HCN2: variants seen among roughly 807,000 people sequenced by gnomAD.
The protein encoded by HCN2 is hyperpolarization activated cyclic nucleotide gated potassium and sodium channel 2.
Under a neutral mutation model 52.3 loss-of-function variants are expected in HCN2, and 20 were observed. The ratio of observed to expected loss-of-function variants is 0.38; its 90% CI spans 0.27 to 0.56. The LOEUF is 0.56. Ranked by LOEUF, HCN2 falls within the 20% of genes least tolerant of loss-of-function variation. The pLI, the probability that HCN2 is intolerant of heterozygous loss-of-function variation, is 0.71. For synonymous variants in HCN2, 694 were observed against 537.0 expected (o/e 1.29, Z -4.04); for missense variants, 981 against 1,207.7 (o/e 0.81, Z 2.78).
intron 3 of HCN2, among the ~76,000 whole-genome samples, chr19:605,777 A>G (rs7255310): frequency 0.6 from 20,139 of 33,410 alleles, 7,365 homozygotes; most frequent in African/African-American, 0.85. Flanking sequence ...TTATGGAGGG[A>G]AGGACTCGGG....
rs1354913394 is a variant in HCN2 at position 603,509 on chromosome 19, G to T, written c.633-35G>T. ...CTGGTCCCGCAGGTGCCCCGGGGAG[G>T]CACCGGCCTGAGGTGTGGGCACCCT... On this transcript the variant is annotated intron_variant, in intron 1 of 7. Coordinates refer to ENST00000251287, the MANE Select transcript of HCN2 (RefSeq NM_001194.4). 1.4e-5 allele frequency: 22 copies of T among 1,560,304 alleles called. No individual in the cohort carries two copies. In the South Asian group the frequency reaches 2.1e-4, roughly 15 times the overall value.
chr19:617,120 C>CCCCCCAA lies in HCN2; in HGVS notation c.*646_*647insCCCCCAA, dbSNP rs2144548663. ...GCCCCCCACGCCCCATTAACCCCCACACCCCCATTCCGCGCAATAAACGAC... is the reference window on the plus strand; with the variant it reads ...GCCCCCCACGCCCCATTAACCCCCACCCCCCAAACCCCCATTCCGCGCAATAAACGAC... On this transcript the variant is annotated 3_prime_UTR_variant, in exon 8 of 8. Transcript: ENST00000251287. The CCCCCCAA allele has an allele frequency of 1.5e-6, 1 of 675,220 alleles. No homozygotes were observed. Among genetic ancestry groups the CCCCCCAA allele is most frequent in the Middle Eastern group, 4.5e-4 (1 of 2,212 alleles). 41.8% of individuals were successfully genotyped at this position (675,220 alleles called of 1,614,324 possible). A position where few individuals can be genotyped will look rare whatever the true frequency, so the allele number is the denominator to read the frequency against.
intron 4 of HCN2, among the ~76,000 whole-genome samples, chr19:608,870 CTG>C (rs1428813065): frequency 8.5e-5 from 13 of 152,182 alleles, no homozygotes; most frequent in Non-Finnish European, 1.8e-4. Context: ...GATGCGGCCT[CTG>C]GCCTGCAGCG....
At position 613,948 on chromosome 19, in the gene HCN2, T is replaced by C; in HGVS notation, c.1922T>C (p.Val641Ala). The change falls in exon 7 of 8, where the codon GTG (valine) becomes GCG (alanine). Residue 641 changes from valine (V) to alanine (A), a missense_variant. By Grantham distance (64) the Val-to-Ala change is moderately conservative. Transcript: ENST00000251287. Reference protein sequence around the residue: ...YSLSVDNFNEVLEEYPMMRRA... With the variant: ...YSLSVDNFNEALEEYPMMRRA... ...CTGAGCGTGGACAACTTCAACGAGG[T>C]GCTGGAGGAGTACCCCATGATGCGG... 1.3e-6 allele frequency: 2 copies of C among 1,555,660 alleles called. No homozygotes were observed. Among genetic ancestry groups the C allele is most frequent in the Non-Finnish European group, 1.7e-6 (2 of 1,150,664 alleles).
intron 2 of HCN2, 136 bp from the exon 3 acceptor site, chr19:604,925 G>C (rs1191707620): frequency 4.3e-6 from 4 of 923,348 alleles, no homozygotes; most frequent in Non-Finnish European, 4.7e-6. Flanking sequence ...GCAGGGTGGG[G>C]CGGGGGTCCT....
chr19:603,239 G>A, intron 1 of HCN2, among the ~76,000 whole-genome samples: 1 of 133,590 alleles, frequency 7.5e-6, no homozygotes, highest in African/African-American at 2.8e-5. Flanking sequence ...AGGGAGGAAT[G>A]CCCGGGGCTG....
intron 5 of HCN2, among the ~76,000 whole-genome samples, chr19:611,227 TCAAA>T (rs146820720): frequency 6.6e-5 from 10 of 152,260 alleles, no homozygotes; most frequent in East Asian, 3.9e-4. Context: ...ACAACACACA[TCAAA>T]CAGTTATTGA....
chr19:604,975 C>T, intron 2 of HCN2, 86 bp from the exon 3 acceptor site: 1 of 1,385,506 alleles, frequency 7.2e-7, no homozygotes, highest in Non-Finnish European at 9.6e-7. Context: ...CCAGGAGCTC[C>T]CGCAGTGGGG....
At chr19:602,606 C>T (rs374805739) in intron 1 of HCN2, among the ~76,000 whole-genome samples, 14 of 152,336 alleles carry the variant, frequency 9.2e-5, no homozygotes, top group African/African-American at 1.2e-4. Flanking sequence ...TCTCCCTGTG[C>T]GCGCCGCCCT....
Position 590,227 on chromosome 19 carries a change from C to G in HCN2, c.282C>G (p.Ala94=). The G allele has an allele frequency of 1.0e-6, 1 of 989,896 alleles. No homozygotes were observed. The highest frequency in any genetic ancestry group is 1.2e-6 in the Non-Finnish European group (1 of 834,564). 61.3% of individuals were successfully genotyped at this position (989,896 alleles called of 1,614,324 possible). ...GCACCCCGGGCGCGGCGAGCACGGC[C>G]AAGGGCAGCCCGAACGGCGAGTGCG... ...RPGTPGAAST[A]KGSPNGECGR... is the part of the protein sequence containing the mutation. The change falls in exon 1 of 8, where the codon GCC becomes GCG. Residue 94 remains alanine (A), a synonymous_variant. Transcript: ENST00000251287. The surrounding 1 kb of genome is among the most constrained non-coding windows in gnomAD (Gnocchi z 7.2).
intron 1 of HCN2, among the ~76,000 whole-genome samples, chr19:595,913 G>A (rs373121916): frequency 2.8e-4 from 42 of 152,310 alleles, no homozygotes; most frequent in East Asian, 1.4e-3. Context: ...GACGGCCTCC[G>A]GCCTGAGGCT....
At chr19:597,847 A>G (rs1394662349) in intron 1 of HCN2, among the ~76,000 whole-genome samples, 1 of 150,764 alleles carries the variant, frequency 6.6e-6, no homozygotes, top group African/African-American at 2.4e-5. Context: ...GGTGGTTTCT[A>G]GGTCTCCTTG....
chr19:614,372 C>A (rs1472925343), intron 7 of HCN2, among the ~76,000 whole-genome samples: 1 of 152,136 alleles, frequency 6.6e-6, no homozygotes, highest in African/African-American at 2.4e-5. Flanking sequence ...GCTGGGGGTG[C>A]AGGGGACAGA....
intron 4 of HCN2, 79 bp downstream of exon 4, chr19:608,261 C>T: frequency 7.4e-7 from 1 of 1,357,182 alleles, no homozygotes; most frequent in Admixed American, 1.8e-5. Context: ...AGAGTCAGGC[C>T]AGGCCCTGGG....
intron 4 of HCN2, among the ~76,000 whole-genome samples, chr19:608,445 C>T (rs547103918): frequency 2.5e-4 from 38 of 152,168 alleles, no homozygotes; most frequent in African/African-American, 4.8e-4. Context: ...TCAAGTGGCG[C>T]GCTCAGGGCA....
intron 1 of HCN2, among the ~76,000 whole-genome samples, chr19:598,312 C>CTT (rs555508733): frequency 1.4e-5 from 2 of 146,310 alleles, no homozygotes; most frequent in Non-Finnish European, 1.5e-5. Flanking sequence ...TCAAGTCAGC[C>CTT]TTTTTTTTTT....
At chr19:607,587 G>A (rs529292595) in intron 3 of HCN2, among the ~76,000 whole-genome samples, 9 of 152,302 alleles carry the variant, frequency 5.9e-5, no homozygotes, top group Admixed American at 3.3e-4. Context: ...CTCCTGGGCC[G>A]GCCTGGTGTC....
Position 616,122 on chromosome 19 carries a change from G to C in HCN2, c.2318G>C (p.Gly773Ala), listed in dbSNP as rs1431491318. ...PGPAPAAASP[G>A]PPPPASPPGA... is the part of the protein sequence containing the mutation. ...CCCGCACCTGCCGCCGCCTCACCCG[G>C]GCCCCCGCCCCCCGCCAGCCCCCCG... The change falls in exon 8 of 8, where the codon GGG becomes GCG. Residue 773 changes from glycine (G) to alanine (A), a missense_variant. Gly to Ala is a moderately conservative substitution (Grantham distance 60). Transcript: ENST00000251287. 2.4e-5 allele frequency: 22 copies of C among 925,530 alleles called. No homozygotes were observed. In the East Asian group the frequency reaches 2.2e-3, roughly 91 times the overall value. The allele number at this position is 925,530 out of a possible 1,614,324, so 57.3% of individuals were successfully genotyped here.
chr19:596,158 T>G (rs945153514), intron 1 of HCN2, among the ~76,000 whole-genome samples: 1 of 152,224 alleles, frequency 6.6e-6, no homozygotes, highest in African/African-American at 2.4e-5. Flanking sequence ...TGCGTCGGCT[T>G]TGGGAACTTC....
Sources: allele counts gnomAD v4.1 joint callset (sites outside exome capture counted in the v4.1 genomes callset), GRCh38; gene constraint gnomAD v4.1.1; non-coding constraint Gnocchi (gnomAD v3.1); transcripts MANE v1.5; gene names NCBI Gene and HGNC (gene_info 2026-07-23, HGNC 2026-07-21).